The following LMO2 variants were observed in gnomAD, a reference collection of about 807,000 sequenced individuals.
LMO2 encodes the protein LIM domain only 2.
A neutral mutation model predicts 23.2 loss-of-function variants in LMO2; 20 were observed. That is an observed-to-expected ratio of 0.86 (90% CI 0.61 to 1.25). LMO2 has a LOEUF of 1.25. Among genes scored for constraint, LMO2 ranks in the 50% most tolerant of loss-of-function variants. LMO2 has a pLI of 0.00. For synonymous variants in LMO2, 123 were observed against 130.2 expected (o/e 0.94, Z 0.38); for missense variants, 270 against 315.3 (o/e 0.86, Z 1.09).
At chr11:33,869,669 C>T in intron 3 of LMO2, 41 bp downstream of exon 3, 5 of 1,261,398 alleles carry the variant, frequency 4.0e-6, no homozygotes, top group Non-Finnish European at 5.0e-6. Flanking sequence ...CGCAGCCTGG[C>T]TCCAGGCGGC....
At chr11:33,876,462 A>G (rs567289405) in intron 2 of LMO2, among the ~76,000 whole-genome samples, 1 of 152,342 alleles carries the variant, frequency 6.6e-6, no homozygotes, top group South Asian at 2.1e-4. Context: ...CCCTTGGCCA[A>G]AGCATGCCTG....
At position 33,869,378 on chromosome 11, in the gene LMO2, C is replaced by G. The variant is rs559317955; in HGVS notation, c.216G>C (p.Ser72=). ...GGTCCAGGCTCTTCCTTTCGATGGCCGAGGACATTGGGGAGGGAGGCGGGG... is the reference window on the plus strand; with the variant it reads ...GGTCCAGGCTCTTCCTTTCGATGGCGGAGGACATTGGGGAGGGAGGCGGGG... ...PGTPPPSPMS[S]AIERKSLDPS... The change falls in exon 4 of 6, where the codon TCG becomes TCC. Residue 72 remains serine (S), a synonymous_variant. Coordinates refer to ENST00000257818, the MANE Select transcript of LMO2 (RefSeq NM_005574.4). The G allele has an allele frequency of 2.3e-5, 27 of 1,196,860 alleles. No individual in the cohort carries two copies. In the African/African-American group the frequency reaches 4.0e-4, roughly 18 times the overall value. 74.1% of individuals were successfully genotyped at this position (1,196,860 alleles called of 1,614,324 possible). A position where few individuals can be genotyped will look rare whatever the true frequency, so the allele number is the denominator to read the frequency against.
chr11:33,877,450 G>A (rs899062001), intron 2 of LMO2, among the ~76,000 whole-genome samples: 1 of 144,058 alleles, frequency 6.9e-6, no homozygotes, highest in Non-Finnish European at 1.5e-5. Flanking sequence ...CCTACAAGCT[G>A]TCTCCAGATT....
At chr11:33,872,410 C>T (rs901546696) in intron 2 of LMO2, among the ~76,000 whole-genome samples, 3 of 152,124 alleles carry the variant, frequency 2.0e-5, no homozygotes, top group African/African-American at 7.2e-5. Context: ...AAAAGGGTGG[C>T]ACATAGATTT....
chr11:33,885,259 G>A (rs1857378799), intron 1 of LMO2, among the ~76,000 whole-genome samples: 1 of 152,116 alleles, frequency 6.6e-6, no homozygotes, highest in African/African-American at 2.4e-5. Flanking sequence ...ATCTGGGGTG[G>A]GCCATGACAC....
intron 2 of LMO2, among the ~76,000 whole-genome samples, chr11:33,879,587 C>T (rs981838414): frequency 6.6e-6 from 1 of 152,042 alleles, no homozygotes; most frequent in Admixed American, 6.6e-5. Context: ...GAGCTGAGAT[C>T]GTGCCACTGC....
intron 1 of LMO2, among the ~76,000 whole-genome samples, chr11:33,891,346 A>AACACACACACACACACAC (rs57617009): frequency 1.4e-3 from 173 of 125,046 alleles, no homozygotes; most frequent in African/African-American, 5.0e-3. Context: ...TTGTTAGGCA[A>AACACACACACACACACAC]ACACACACAC....
intron 1 of LMO2, 54 bp from the exon 2 acceptor site, chr11:33,881,941 G>C (rs79853482): frequency 0.019 from 2,925 of 152,614 alleles, 49 homozygotes; most frequent in Non-Finnish European, 0.033. Context: ...GTAGAAAGGA[G>C]AAAGAGAGAG....
intron 4 of LMO2, among the ~76,000 whole-genome samples, chr11:33,868,130 T>C (rs1197344243): frequency 6.6e-6 from 1 of 152,202 alleles, no homozygotes; most frequent in Admixed American, 6.5e-5. Context: ...TGAATAGTGA[T>C]GTTTATATTC....
At chr11:33,877,712 G>A (rs1324269623) in intron 2 of LMO2, among the ~76,000 whole-genome samples, 6 of 151,936 alleles carry the variant, frequency 3.9e-5, no homozygotes, top group Non-Finnish European at 1.5e-5. Context: ...TGATCTACAC[G>A]CCTTGGCCTC....
intron 2 of LMO2, chr11:33,871,081 T>C (rs910227896): frequency 1.0e-6 from 1 of 984,112 alleles, no homozygotes; most frequent in Non-Finnish European, 1.2e-6. Flanking sequence ...GTCTGGATCA[T>C]AGGCATACAT....
At chr11:33,873,950 T>A (rs948605093) in intron 2 of LMO2, among the ~76,000 whole-genome samples, 1 of 152,164 alleles carries the variant, frequency 6.6e-6, no homozygotes, top group Non-Finnish European at 1.5e-5. Flanking sequence ...ATTGAGAAGA[T>A]CCCAACATTA....
At chr11:33,876,230 G>C (rs1211497057) in intron 2 of LMO2, among the ~76,000 whole-genome samples, 4 of 152,054 alleles carry the variant, frequency 2.6e-5, no homozygotes, top group African/African-American at 7.2e-5. Flanking sequence ...TTTCTTCCTA[G>C]CATCATCACT....
At chr11:33,871,884 G>T (rs528200440) in intron 2 of LMO2, among the ~76,000 whole-genome samples, 1 of 152,176 alleles carries the variant, frequency 6.6e-6, no homozygotes, top group East Asian at 1.9e-4. Context: ...GGCAGTATGC[G>T]GTAGTAGCTC....
intron 5 of LMO2, among the ~76,000 whole-genome samples, chr11:33,861,965 G>A (rs147430142): frequency 3.9e-5 from 6 of 152,258 alleles, no homozygotes; most frequent in African/African-American, 9.6e-5. Context: ...TCTGGGATTC[G>A]GAGATTCTAA....
At position 33,859,368 on chromosome 11, in the gene LMO2, A is replaced by G. The variant is rs1193570963; in HGVS notation, c.672T>C (p.Asn224=). ...CGGGGACTCGGGCCTATATCATCCC[A>G]TTGATCTTAGTCCACTCGTAGATGT... ...EQDIYEWTKI[N]GMI Residue 224 remains asparagine, a synonymous_variant, in exon 6 of 6, where the codon AAT becomes AAC. Coordinates refer to ENST00000257818, the MANE Select transcript of LMO2 (RefSeq NM_005574.4). 6.2e-7 allele frequency: 1 copy of G among 1,613,630 alleles called. No individual in the cohort carries two copies. Among genetic ancestry groups the G allele is most frequent in the South Asian group, 1.1e-5 (1 of 91,056 alleles).
At chr11:33,871,429 G>A (rs1857019789) in intron 2 of LMO2, among the ~76,000 whole-genome samples, 1 of 151,802 alleles carries the variant, frequency 6.6e-6, no homozygotes, top group African/African-American at 2.4e-5. Flanking sequence ...TTAGCTGGGC[G>A]TGGTGGTGCT....
chr11:33,875,578 CAAAA>C (rs71037312), intron 2 of LMO2, among the ~76,000 whole-genome samples: 3 of 115,164 alleles, frequency 2.6e-5, no homozygotes, highest in African/African-American at 6.7e-5. Flanking sequence ...AACTCCTTCT[CAAAA>C]AAAAAAAAAA....
chr11:33,870,293 A>G, intron 2 of LMO2: 3 of 929,088 alleles, frequency 3.2e-6, no homozygotes, highest in Non-Finnish European at 3.9e-6. Context: ...AAAGTAACCC[A>G]CGAACAGCTC....
Sources: allele counts gnomAD v4.1 joint callset (sites outside exome capture counted in the v4.1 genomes callset), GRCh38; gene constraint gnomAD v4.1.1; transcripts MANE v1.5; gene names NCBI Gene and HGNC (gene_info 2026-07-23, HGNC 2026-07-21).